The following GRB10 variants were observed in gnomAD, a reference collection of about 807,000 sequenced individuals.
GRB10 encodes growth factor receptor bound protein 10.
In GRB10, 20 loss-of-function variants were observed where a neutral mutation model predicts 80.9. The ratio of observed to expected loss-of-function variants is 0.25; its 90% CI spans 0.17 to 0.36. The LOEUF (loss-of-function observed/expected upper bound fraction) is 0.36, where lower values mean the gene tolerates loss of function less well. GRB10 is among the 10% of genes least tolerant of loss of function. The probability of loss-of-function intolerance (pLI) is 1.00; values close to 1 mark genes in which losing one functional copy is unlikely to be tolerated. For synonymous variants in GRB10, 291 were observed against 291.5 expected (o/e 1.00, Z 0.02); for missense variants, 548 against 747.7 (o/e 0.73, Z 3.12).
upstream of GRB10, among the ~76,000 whole-genome samples, chr7:50,787,033 G>T (rs1392949115): frequency 6.6e-6 from 1 of 152,206 alleles, no homozygotes; most frequent in Non-Finnish European, 1.5e-5. Context: ...ACAACTCCAG[G>T]AGAAAACAAA....
chr7:50,772,568 G>A lies in GRB10; in HGVS notation c.-217+8059C>T, dbSNP rs564384335. Among the ~76,000 whole-genome samples the A allele has an allele frequency of 1.0e-3, 155 of 152,318 alleles. 3 individuals are homozygous for A. In the South Asian group the frequency reaches 0.018, roughly 17 times the overall value. Reference sequence around the variant, plus strand: ...ACTTCTACTTAACACAGTATTGGAAGCTCTAGCCAGAGCAATTAAGTAAGA... The same window carrying A: ...ACTTCTACTTAACACAGTATTGGAAACTCTAGCCAGAGCAATTAAGTAAGA... On this transcript the variant is annotated intron_variant, in intron 2 of 18. Coordinates refer to ENST00000401949, the MANE Select transcript of GRB10 (RefSeq NM_001350814.2).
At chr7:50,606,939 G>GATCC in intron 13 of GRB10, 1 of 171,658 alleles carries the variant, frequency 5.8e-6, no homozygotes, top group Admixed American at 5.5e-5. Flanking sequence ...CTCTGTTCTT[G>GATCC]GGCGCACTTC....
Position 50,669,774 on chromosome 7 carries a change from G to C in GRB10, c.452C>G (p.Pro151Arg). 6.2e-7 allele frequency: 1 copy of C among 1,613,970 alleles called. No individual in the cohort carries two copies. The highest frequency in any genetic ancestry group is 8.5e-7 in the Non-Finnish European group (1 of 1,179,972). The change falls in exon 7 of 19, where the codon CCC becomes CGC. Residue 151 changes from proline to arginine, a missense_variant. By Grantham distance (103) the Pro-to-Arg change is moderately radical. This residue lies in a region of GRB10 where 245 missense variants were observed against 229.3 expected (regional missense o/e 1.07). Coordinates refer to ENST00000401949, the MANE Select transcript of GRB10 (RefSeq NM_001350814.2). ...TAAAGAACCCGGCGTGAGCACAGGG[G>C]GGCTCCCAGGGCCACAGAGTTCAGG... is the stretch of plus-strand genomic sequence containing the variant. ...PFPELCGPGS[P>R]PVLTPGSLPP...
rs181047872 is a variant in GRB10, at chr7:50,627,902, C to G, written c.505-924G>C. Among the ~76,000 whole-genome samples, 892 of 152,336 alleles carry G rather than the reference C, an allele frequency of 5.9e-3. 59 individuals are homozygous for G. Among genetic ancestry groups the G allele is most frequent in the Admixed American group, 0.058 (881 of 15,306 alleles). Reference sequence around the variant, plus strand: ...GCCTGCGTGTGCCCTGGGGGGCAGGCTGTCTCCGGGCAGCAGGGAGGCCAC... The same window carrying G: ...GCCTGCGTGTGCCCTGGGGGGCAGGGTGTCTCCGGGCAGCAGGGAGGCCAC... On this transcript the variant is annotated intron_variant, in intron 7 of 18. Coordinates refer to ENST00000401949, the MANE Select transcript of GRB10 (RefSeq NM_001350814.2).
intron 3 of GRB10, among the ~76,000 whole-genome samples, chr7:50,735,401 A>C (rs118040058): frequency 2.2e-3 from 342 of 152,310 alleles, no homozygotes; most frequent in South Asian, 4.6e-3. Flanking sequence ...AGTCCCTATC[A>C]ATATCCTAAT....
At chr7:50,620,245 G>A (rs908084833) in intron 8 of GRB10, among the ~76,000 whole-genome samples, 4 of 152,304 alleles carry the variant, frequency 2.6e-5, no homozygotes, top group Non-Finnish European at 4.4e-5. Context: ...GTGAAGTGAT[G>A]CCAAAATGGT....
chr7:50,616,122 T>TA (rs2050592218), intron 11 of GRB10, 88 bp downstream of exon 11: 2 of 1,501,848 alleles, frequency 1.3e-6, no homozygotes, highest in East Asian at 2.3e-5. Flanking sequence ...AAGGTGCATT[T>TA]AAAAATGAAG....
chr7:50,634,733 T>G, intron 7 of GRB10, among the ~76,000 whole-genome samples: 1 of 152,010 alleles, frequency 6.6e-6, no homozygotes, highest in Non-Finnish European at 1.5e-5. Context: ...TGAGCAGGAG[T>G]AGCCATTCTT....
intron 5 of GRB10, among the ~76,000 whole-genome samples, chr7:50,684,720 T>A (rs1237424634): frequency 6.6e-6 from 1 of 152,210 alleles, no homozygotes; most frequent in African/African-American, 2.4e-5. Context: ...AAAAGACACT[T>A]CGGGAGTGAC....
At chr7:50,604,275 T>C (rs1374255969) in intron 16 of GRB10, 36 bp downstream of exon 16, 1 of 1,568,312 alleles carries the variant, frequency 6.4e-7, no homozygotes, top group South Asian at 1.1e-5. Flanking sequence ...TGATTTTCTT[T>C]ATGTACAAAA....
At chr7:50,604,247 G>C in intron 16 of GRB10, 64 bp downstream of exon 16, 1 of 1,408,806 alleles carries the variant, frequency 7.1e-7, no homozygotes, top group Non-Finnish European at 1.0e-6. Flanking sequence ...CTGAGGGGGA[G>C]TGGAGGGGGG....
intron 2 of GRB10, among the ~76,000 whole-genome samples, chr7:50,756,580 G>A (rs1181207113): frequency 6.6e-6 from 1 of 152,242 alleles, no homozygotes; most frequent in East Asian, 1.9e-4. Context: ...AGAGCAGGCA[G>A]ACCTGGGGTT....
chr7:50,726,480 T>C lies in GRB10; in HGVS notation c.51+5792A>G, dbSNP rs188321779. On this transcript the variant is annotated intron_variant, in intron 4 of 18. Transcript: ENST00000401949. ...ATATTATTCAAAAAAAATCAGACTT[T>C]AAGCCCATACTTGAGGATGATGATG... Among the ~76,000 whole-genome samples, 4 of 152,276 alleles carry C rather than the reference T, an allele frequency of 2.6e-5. No homozygotes were observed. In the East Asian group the frequency reaches 7.7e-4, roughly 29 times the overall value.
chr7:50,727,388 A>AT (rs1330864799), intron 4 of GRB10, among the ~76,000 whole-genome samples: 1 of 152,204 alleles, frequency 6.6e-6, no homozygotes, highest in East Asian at 1.9e-4. Flanking sequence ...CAGGGTTGAC[A>AT]TCTTGTTCAC....
At chr7:50,658,201 C>T (rs1194677945) in intron 7 of GRB10, among the ~76,000 whole-genome samples, 1 of 152,236 alleles carries the variant, frequency 6.6e-6, no homozygotes, top group Admixed American at 6.5e-5. Flanking sequence ...CGCCAATGTC[C>T]ACGTTCAGTG....
intron 3 of GRB10, 24 bp from the exon 4 acceptor site, chr7:50,732,392 A>G: frequency 1.4e-6 from 2 of 1,408,538 alleles, no homozygotes; most frequent in Non-Finnish European, 2.0e-6. Flanking sequence ...AGACTGTGAG[A>G]AGCCAAGCCA....
chr7:50,650,227 AC>A (rs2057837084), intron 7 of GRB10, among the ~76,000 whole-genome samples: 2 of 152,180 alleles, frequency 1.3e-5, no homozygotes, highest in African/African-American at 2.4e-5. Context: ...CTGAGATGCC[AC>A]CCCCAACTGG....
intron 7 of GRB10, among the ~76,000 whole-genome samples, chr7:50,627,702 G>C (rs2053193862): frequency 6.6e-6 from 1 of 152,182 alleles, no homozygotes; most frequent in East Asian, 1.9e-4. Context: ...TCCCTTCCAG[G>C]CAAGACCCTG....
intron 4 of GRB10, among the ~76,000 whole-genome samples, chr7:50,708,941 TG>T (rs1563537356): frequency 6.6e-6 from 1 of 152,208 alleles, no homozygotes; most frequent in Non-Finnish European, 1.5e-5. Flanking sequence ...CCCAAAGTGC[TG>T]GGATTACAGG....
Sources: allele counts gnomAD v4.1 joint callset (sites outside exome capture counted in the v4.1 genomes callset), GRCh38; gene constraint gnomAD v4.1.1; regional missense constraint gnomAD v4.1.1; transcripts MANE v1.5; gene names NCBI Gene and HGNC (gene_info 2026-07-23, HGNC 2026-07-21).